Variants in SSH1 observed in about 807,000 individuals in gnomAD.
SSH1 encodes the protein slingshot protein phosphatase 1, also known as protein phosphatase Slingshot homolog 1.
SSH1 carries 43 observed loss-of-function variants against 79.7 expected under a neutral mutation model. The ratio of observed to expected loss-of-function variants is 0.54; its 90% CI spans 0.42 to 0.70. The LOEUF (loss-of-function observed/expected upper bound fraction) is 0.70, where lower values mean the gene tolerates loss of function less well. Among genes scored for constraint, SSH1 ranks in the 30% least tolerant of loss-of-function variants. The probability of loss-of-function intolerance (pLI) is 0.00; values close to 1 mark genes in which losing one functional copy is unlikely to be tolerated. For synonymous variants in SSH1, 599 were observed against 538.3 expected (o/e 1.11, Z -1.56); for missense variants, 1,206 against 1,358.8 (o/e 0.89, Z 1.77).
At chr12:108,833,309 G>C (rs1323983852) in intron 2 of SSH1, among the ~76,000 whole-genome samples, 2 of 152,144 alleles carry the variant, frequency 1.3e-5, no homozygotes, top group African/African-American at 4.8e-5. Context: ...TGCTCTACCA[G>C]GATCTAAGCC....
intron 10 of SSH1, among the ~76,000 whole-genome samples, chr12:108,804,409 C>T (rs1404522672): frequency 2.0e-5 from 3 of 152,244 alleles, no homozygotes; most frequent in African/African-American, 4.8e-5. Flanking sequence ...TCTATAGCCT[C>T]TCTGACTTTG....
At chr12:108,815,817 C>T (rs148473753) in intron 5 of SSH1, among the ~76,000 whole-genome samples, 91 of 152,310 alleles carry the variant, frequency 6.0e-4, no homozygotes, top group African/African-American at 2.1e-3. Flanking sequence ...TCTCATAGTG[C>T]TATTTATTAT....
chr12:108,826,091 A>G, intron 2 of SSH1: 1 of 447,612 alleles, frequency 2.2e-6, no homozygotes, highest in Non-Finnish European at 4.4e-6. Context: ...AAAAAAAAAA[A>G]ATTCATACTG....
chr12:108,853,745 G>A (rs985416181), intron 1 of SSH1, among the ~76,000 whole-genome samples: 4 of 152,098 alleles, frequency 2.6e-5, no homozygotes, highest in African/African-American at 7.2e-5. Context: ...CCAACAAGGT[G>A]ACACGCTGTC....
chr12:108,810,900 GCAC>G (rs1038890391), intron 6 of SSH1, among the ~76,000 whole-genome samples: 3 of 152,226 alleles, frequency 2.0e-5, no homozygotes, highest in Non-Finnish European at 2.9e-5. Context: ...AGTTCCTGCT[GCAC>G]CACATTAGTC....
intron 1 of SSH1, among the ~76,000 whole-genome samples, chr12:108,855,408 T>G (rs1162617636): frequency 6.6e-6 from 1 of 152,188 alleles, no homozygotes; most frequent in African/African-American, 2.4e-5. Flanking sequence ...ATGAAAATGT[T>G]CTGGAATTAG....
Position 108,784,994 on chromosome 12 carries a change from T to C in SSH1, c.*2994A>G. On this transcript the variant is annotated 3_prime_UTR_variant, in exon 15 of 15. Coordinates refer to ENST00000326495, the MANE Select transcript of SSH1 (RefSeq NM_018984.4). ...ATTTTCCCCATCAGCTAAGGTTGCA[T>C]ACAAAGCAAGGGCCAAGCTATGGCA... is the stretch of plus-strand genomic sequence containing the variant. 6.6e-6 allele frequency: 1 copy of C among 152,276 alleles called. No individual in the cohort carries two copies. The highest frequency in any genetic ancestry group is 1.5e-5 in the Non-Finnish European group (1 of 68,070). 9.4% of individuals were successfully genotyped at this position (152,276 alleles called of 1,614,324 possible). A position where few individuals can be genotyped will look rare whatever the true frequency, so the allele number is the denominator to read the frequency against.
At chr12:108,843,632 T>C (rs1356196524) in intron 2 of SSH1, among the ~76,000 whole-genome samples, 1 of 152,148 alleles carries the variant, frequency 6.6e-6, no homozygotes, top group Non-Finnish European at 1.5e-5. Flanking sequence ...CCTCCCGGGT[T>C]CCAGTGATTC....
Position 108,807,747 on chromosome 12 carries a change from C to G in SSH1, c.617G>C (p.Trp206Ser). 6.2e-7 allele frequency: 1 copy of G among 1,613,634 alleles called. No homozygotes were observed. Among genetic ancestry groups the G allele is most frequent in the Non-Finnish European group, 8.5e-7 (1 of 1,179,746 alleles). The change falls in exon 8 of 15, where the codon TGG becomes TCG. Residue 206 changes from tryptophan to serine, a missense_variant. Physicochemically the swap from Trp to Ser is radical, Grantham distance 177. Around this residue, in one of 5 missense-constraint regions of SSH1, gnomAD observed 116 missense variants for 109.0 expected, o/e 1.06. Coordinates refer to ENST00000326495, the MANE Select transcript of SSH1 (RefSeq NM_018984.4). The surrounding 1 kb of genome is among the most constrained non-coding windows in gnomAD (Gnocchi z 5.2). Reference protein sequence around the residue: ...NYFPGGVALIWATYYESCISS... With the variant: ...NYFPGGVALISATYYESCISS... Reference sequence around the variant, plus strand: ...GATGCAGCTCTCATAGTAGGTAGCCCAGATGAGAGCTACACCCCCGGGGAA... The same window carrying G: ...GATGCAGCTCTCATAGTAGGTAGCCGAGATGAGAGCTACACCCCCGGGGAA...
Position 108,800,875 on chromosome 12 carries a change from G to A in SSH1, c.1053C>T (p.Gly351=), listed in dbSNP as rs767687427. The A allele has an allele frequency of 1.2e-6, 2 of 1,613,942 alleles. No homozygotes were observed. Among genetic ancestry groups the A allele is most frequent in the East Asian group, 2.2e-5 (1 of 44,886 alleles). The change falls in exon 12 of 15, where the codon GGC becomes GGT. Residue 351 remains glycine (G), a synonymous_variant. Coordinates refer to ENST00000326495, the MANE Select transcript of SSH1 (RefSeq NM_018984.4). ...CTCGGATGTTATGATATGCAAATAAGCCAGGAAAAAAATTATCGATTTCTC... is the reference window on the plus strand; with the variant it reads ...CTCGGATGTTATGATATGCAAATAAACCAGGAAAAAAATTATCGATTTCTC... ...VTREIDNFFP[G]LFAYHNIRVY...
At chr12:108,815,500 T>C (rs907168209) in intron 5 of SSH1, among the ~76,000 whole-genome samples, 1 of 152,170 alleles carries the variant, frequency 6.6e-6, no homozygotes, top group African/African-American at 2.4e-5. Flanking sequence ...CTCAGAAAGA[T>C]TCAGAAAAGC....
At position 108,787,884 on chromosome 12, in the gene SSH1, G is replaced by T; in HGVS notation, c.*104C>A. The T allele has an allele frequency of 1.4e-6, 2 of 1,456,846 alleles. No homozygotes were observed. Among genetic ancestry groups the T allele is most frequent in the Non-Finnish European group, 1.9e-6 (2 of 1,051,718 alleles). 90.2% of individuals were successfully genotyped at this position (1,456,846 alleles called of 1,614,324 possible). ...GGGAAAAGTTAGGATGACTTCACTC[G>T]TTTAAGGGAAATCAAGATGTAAGGG... On this transcript the variant is annotated 3_prime_UTR_variant, in exon 15 of 15. Coordinates refer to ENST00000326495, the MANE Select transcript of SSH1 (RefSeq NM_018984.4).
In SSH1 at chr12:108,807,026, G is replaced by A. The variant is rs115488290; in HGVS notation, c.731+607C>T. 6.6e-3 allele frequency among the ~76,000 whole-genome samples: 1,009 copies of A among 152,292 alleles called. 15 individuals carry two copies. The highest frequency in any genetic ancestry group is 0.023 in the African/African-American group (956 of 41,550). On this transcript the variant is annotated intron_variant, in intron 8 of 14. Transcript: ENST00000326495. This position sits in a 1 kb window ranked among gnomAD's most constrained non-coding sequence, Gnocchi z 5.2. ...TCTTCCCAAAATGCAGTGTCCTGGA[G>A]GAACACCACACTGTGGGAGCAGGGT... is the stretch of plus-strand genomic sequence containing the variant.
intron 2 of SSH1, among the ~76,000 whole-genome samples, chr12:108,842,014 A>G (rs2038790428): frequency 6.6e-6 from 1 of 152,072 alleles, no homozygotes; most frequent in Non-Finnish European, 1.5e-5. Context: ...CTGTGGTCCC[A>G]GCTACTTGGG....
chr12:108,848,666 G>C (rs954637828), intron 2 of SSH1, among the ~76,000 whole-genome samples: 5 of 152,236 alleles, frequency 3.3e-5, no homozygotes, highest in Non-Finnish European at 7.3e-5. Flanking sequence ...AGCGAGGAAG[G>C]CTAGGAGGCA....
intron 13 of SSH1, among the ~76,000 whole-genome samples, chr12:108,795,054 C>A (rs1042974647): frequency 6.6e-6 from 1 of 152,152 alleles, no homozygotes; most frequent in Non-Finnish European, 1.5e-5. Flanking sequence ...GTGCATTTCT[C>A]GATATCCCAT....
At chr12:108,832,033 A>G (rs2038486000) in intron 2 of SSH1, among the ~76,000 whole-genome samples, 1 of 152,212 alleles carries the variant, frequency 6.6e-6, no homozygotes, top group South Asian at 2.1e-4. Flanking sequence ...CTTTCTAGTT[A>G]TAGAGAGTTT....
intron 1 of SSH1, 76 bp from the exon 2 acceptor site, chr12:108,852,754 T>C: frequency 6.2e-7 from 1 of 1,610,186 alleles, no homozygotes; most frequent in Non-Finnish European, 8.5e-7. Flanking sequence ...TCACATTTTC[T>C]ACCCCGGTAC....
intron 14 of SSH1, among the ~76,000 whole-genome samples, chr12:108,790,158 T>G (rs1313107565): frequency 2.0e-5 from 3 of 151,384 alleles, no homozygotes; most frequent in African/African-American, 4.8e-5. Context: ...TTCCAGTTTT[T>G]TTTTTTTTTT....
Sources: gnomAD v4.1 joint callset for allele counts (sites outside exome capture counted in the v4.1 genomes callset) on GRCh38, gnomAD v4.1.1 for gene constraint, gnomAD v4.1.1 regional missense constraint, Gnocchi (gnomAD v3.1) non-coding constraint, MANE v1.5 for transcripts, NCBI Gene and HGNC (gene_info 2026-07-23, HGNC 2026-07-21) for gene names.